Variants in ESRRG observed in about 807,000 individuals in gnomAD.
The protein encoded by ESRRG is estrogen related receptor gamma.
A neutral mutation model predicts 44.0 loss-of-function variants in ESRRG; 13 were observed. The observed-to-expected ratio is 0.30, with a 90% confidence interval of 0.19 to 0.47. ESRRG has a LOEUF of 0.47. ESRRG is among the 20% of genes least tolerant of loss of function. The pLI, the probability that ESRRG is intolerant of heterozygous loss-of-function variation, is 1.00. For synonymous variants in ESRRG, 215 were observed against 214.6 expected (o/e 1.00, Z -0.02); for missense variants, 395 against 580.6 (o/e 0.68, Z 3.29).
At chr1:217,012,845 C>T (rs1039321429) in intron 1 of ESRRG, among the ~76,000 whole-genome samples, 4 of 152,144 alleles carry the variant, frequency 2.6e-5, no homozygotes, top group African/African-American at 9.7e-5. Context: ...TAACAAAGTA[C>T]CACAAACTGA....
At chr1:216,936,006 G>A in intron 2 of ESRRG, among the ~76,000 whole-genome samples, 1 of 152,134 alleles carries the variant, frequency 6.6e-6, no homozygotes, top group South Asian at 2.1e-4. Context: ...GGAGGATGAG[G>A]GGTATGGTTG....
intron 5 of ESRRG, among the ~76,000 whole-genome samples, chr1:216,560,248 G>A (rs1162171987): frequency 1.3e-5 from 2 of 152,130 alleles, no homozygotes; most frequent in South Asian, 4.2e-4. Context: ...CATTACAATA[G>A]AGATCAATTG....
At chr1:217,043,143 A>G (rs1455411558) in intron 1 of ESRRG, among the ~76,000 whole-genome samples, 2 of 152,208 alleles carry the variant, frequency 1.3e-5, no homozygotes, top group Non-Finnish European at 2.9e-5. Context: ...TAACCTCTGT[A>G]TAGATGCTCA....
At chr1:216,939,067 T>G (rs186679592) in intron 2 of ESRRG, among the ~76,000 whole-genome samples, 1 of 152,194 alleles carries the variant, frequency 6.6e-6, no homozygotes. Flanking sequence ...ATCTAATGGA[T>G]ACCATGAACT....
intron 1 of ESRRG, among the ~76,000 whole-genome samples, chr1:217,046,216 T>C (rs986971004): frequency 6.6e-6 from 1 of 151,786 alleles, no homozygotes; most frequent in Non-Finnish European, 1.5e-5. Context: ...ATACCCCTGA[T>C]GGATACTAGC....
intron 1 of ESRRG, among the ~76,000 whole-genome samples, chr1:217,053,713 TTTTG>T (rs1180653980): frequency 6.6e-6 from 1 of 152,116 alleles, no homozygotes; most frequent in Non-Finnish European, 1.5e-5. Flanking sequence ...GTGGTAGTTG[TTTTG>T]TTTTTTACCC....
At position 216,911,982 on chromosome 1, in the gene ESRRG, G is replaced by T. The variant is rs563684180; in HGVS notation, c.-14+27600C>A. Among the ~76,000 whole-genome samples, 9 of 151,384 alleles carry T rather than the reference G, an allele frequency of 5.9e-5. No homozygotes were observed. In the East Asian group the frequency reaches 9.8e-4, roughly 16 times the overall value. On this transcript the variant is annotated intron_variant, in intron 2 of 7. Coordinates refer to the ESRRG transcript ENST00000359162. ...CCCAGCTACTCAGGAGGCTGAGGTGGGAGGATTGCTGGAGGCTGAGGTGGG... is the reference window on the plus strand; with the variant it reads ...CCCAGCTACTCAGGAGGCTGAGGTGTGAGGATTGCTGGAGGCTGAGGTGGG...
intron 2 of ESRRG, among the ~76,000 whole-genome samples, chr1:216,857,658 G>C (rs1419036985): frequency 6.7e-6 from 1 of 150,196 alleles, no homozygotes; most frequent in Admixed American, 6.6e-5. Flanking sequence ...CCATGCTAGA[G>C]AGTCACAGGG....
intron 3 of ESRRG, among the ~76,000 whole-genome samples, chr1:216,589,353 T>C (rs1287581950): frequency 6.6e-6 from 1 of 152,128 alleles, no homozygotes; most frequent in Non-Finnish European, 1.5e-5. Context: ...CTTAAAACAT[T>C]ATGAGAATAT....
chr1:216,595,629 CAAAT>C (rs1487017447), intron 3 of ESRRG, among the ~76,000 whole-genome samples: 2 of 152,238 alleles, frequency 1.3e-5, no homozygotes, highest in African/African-American at 2.4e-5. Flanking sequence ...TTTCTAGAGA[CAAAT>C]AAATTTTGAG....
rs566909327 is a variant in ESRRG, at chr1:216,614,343, C to T, written c.589+36630G>A. Among the ~76,000 whole-genome samples, 523 of 149,896 alleles carry T rather than the reference C, an allele frequency of 3.5e-3. 3 individuals are homozygous for T. Among genetic ancestry groups the T allele is most frequent in the African/African-American group, 0.012 (487 of 40,956 alleles). On this transcript the variant is annotated intron_variant, in intron 3 of 6. Coordinates refer to ENST00000408911, the MANE Select transcript of ESRRG (RefSeq NM_001438.4). ...TGACCCTCTGTGACATCCTCTTTCT[C>T]TTTTTTTTTTGACATTTGAATACAG...
At chr1:216,588,395 T>A (rs1183670323) in intron 3 of ESRRG, among the ~76,000 whole-genome samples, 1 of 152,208 alleles carries the variant, frequency 6.6e-6, no homozygotes, top group East Asian at 1.9e-4. Context: ...CAATCTGGAC[T>A]GTTTTTATTA....
chr1:216,688,907 G>C (rs531820892), intron 1 of ESRRG, among the ~76,000 whole-genome samples: 8 of 152,078 alleles, frequency 5.3e-5, no homozygotes. Flanking sequence ...AGAAGGGTTG[G>C]TGGAAAAACC....
chr1:216,917,095 C>T (rs1274241418), intron 2 of ESRRG, among the ~76,000 whole-genome samples: 2 of 151,186 alleles, frequency 1.3e-5, no homozygotes, highest in African/African-American at 4.9e-5. Flanking sequence ...GGGTCTCTCC[C>T]TCTTCCTGTG....
intron 1 of ESRRG, among the ~76,000 whole-genome samples, chr1:217,060,896 ATCT>A (rs2088292686): frequency 6.6e-6 from 1 of 152,126 alleles, no homozygotes; most frequent in Admixed American, 6.6e-5. Flanking sequence ...ATGTACAGGA[ATCT>A]TCTTGAGATT....
chr1:216,514,540 G>A (rs998012190), intron 6 of ESRRG, among the ~76,000 whole-genome samples: 13 of 152,124 alleles, frequency 8.5e-5, no homozygotes, highest in African/African-American at 3.1e-4. Context: ...GATAAAGGAA[G>A]TGGGCATGAA....
At chr1:217,114,768 T>G (rs2092701980) in intron 1 of ESRRG, among the ~76,000 whole-genome samples, 1 of 150,108 alleles carries the variant, frequency 6.7e-6, no homozygotes, top group Admixed American at 6.7e-5. Context: ...GCAATTCTCC[T>G]GCCTCAGCCT....
At chr1:216,584,535 C>A (rs1351190787) in intron 3 of ESRRG, among the ~76,000 whole-genome samples, 1 of 151,990 alleles carries the variant, frequency 6.6e-6, no homozygotes, top group South Asian at 2.1e-4. Context: ...GGATTACAGG[C>A]GTGAGTAACT....
intron 2 of ESRRG, among the ~76,000 whole-genome samples, chr1:216,934,526 A>T (rs1490798658): frequency 6.6e-6 from 1 of 152,116 alleles, no homozygotes; most frequent in African/African-American, 2.4e-5. Context: ...CCTCACAATC[A>T]CGGTGGAAGG....
Sources: allele counts gnomAD v4.1 joint callset (sites outside exome capture counted in the v4.1 genomes callset), GRCh38; gene constraint gnomAD v4.1.1; transcripts MANE v1.5; gene names NCBI Gene and HGNC (gene_info 2026-07-23, HGNC 2026-07-21).